Variants in OPRK1 observed in about 807,000 individuals in gnomAD.
The protein encoded by OPRK1 is kappa-type opioid receptor.
OPRK1 carries 15 observed loss-of-function variants against 24.5 expected under a neutral mutation model. The ratio of observed to expected loss-of-function variants is 0.61; its 90% confidence interval spans 0.41 to 0.94. OPRK1 has a LOEUF of 0.94. Ranked by LOEUF, OPRK1 falls within the 40% of genes least tolerant of loss-of-function variation. The pLI is 0.00. For missense variants in OPRK1, 479 were observed against 507.3 expected (o/e 0.94, Z 0.54); for synonymous variants, 205 against 198.0 (o/e 1.04, Z -0.30).
chr8:53,232,232 C>T (rs1169714355), intron 3 of OPRK1, among the ~76,000 whole-genome samples: 2 of 150,738 alleles, frequency 1.3e-5, no homozygotes, highest in African/African-American at 2.4e-5. Flanking sequence ...CTAGAGGTGA[C>T]CAGAGGCTGG....
rs981846563 is a variant in OPRK1 at position 53,227,494 on chromosome 8, T to C, written c.*1803A>G. The C allele has an allele frequency of 1.3e-5, 2 of 152,192 alleles. No individual in the cohort carries two copies. The highest frequency in any genetic ancestry group is 4.8e-5 in the African/African-American group (2 of 41,448). 9.4% of individuals were successfully genotyped at this position (152,192 alleles called of 1,614,324 possible). ...CTGTACCATAGCCAAGATTTTTAAC[T>C]ATGGGATTAGTGTAAACCAGTATTT... is the stretch of plus-strand genomic sequence containing the variant. On this transcript the variant is annotated 3_prime_UTR_variant, in exon 4 of 4. Transcript: ENST00000265572.
rs114268262 is a variant in OPRK1, at chr8:53,235,905, G to A, written c.258-794C>T. 5.1e-3 allele frequency among the ~76,000 whole-genome samples: 772 copies of A among 152,254 alleles called. 9 individuals carry two copies. Among genetic ancestry groups the A allele is most frequent in the African/African-American group, 0.018 (739 of 41,546 alleles). On this transcript the variant is annotated intron_variant, in intron 2 of 3. Coordinates refer to ENST00000265572, the MANE Select transcript of OPRK1 (RefSeq NM_000912.5). ...TCTTTACATTATAACATGATGTTTA[G>A]GACAACTTAATTTTCAACTAAGACT...
chr8:53,250,788 T>C lies in OPRK1; in HGVS notation c.250A>G (p.Ile84Val), dbSNP rs774439109. The change falls in exon 2 of 4, where the codon ATC becomes GTC. Residue 84 changes from isoleucine to valine, a missense_variant. By Grantham distance (29) the Ile-to-Val change is conservative (BLOSUM62 3). Transcript: ENST00000265572. ...LVGNSLVMFV[I>V]IRYTKMKTAT... ...CGCTGTCCCCGCGCTCACCGGATGA[T>C]CACGAACATGACCAGCGAGTTGCCC... The C allele has an allele frequency of 6.2e-7, 1 of 1,606,492 alleles. No individual in the cohort carries two copies. The highest frequency in any genetic ancestry group is 8.5e-7 in the Non-Finnish European group (1 of 1,176,386).
intron 2 of OPRK1, among the ~76,000 whole-genome samples, chr8:53,236,389 T>C (rs796296342): frequency 5.3e-5 from 8 of 152,208 alleles, no homozygotes; most frequent in African/African-American, 1.9e-4. Flanking sequence ...CCACCTCCCA[T>C]CTCTACTCAT....
At chr8:53,241,692 A>T (rs1807119304) in intron 2 of OPRK1, among the ~76,000 whole-genome samples, 1 of 152,190 alleles carries the variant, frequency 6.6e-6, no homozygotes, top group South Asian at 2.1e-4. Flanking sequence ...TCATACTCAC[A>T]TAGGAGCCAG....
In OPRK1 at chr8:53,226,910, A is replaced by G. The variant is rs1353069089; in HGVS notation, c.*2387T>C. 1 of 152,214 alleles carries G rather than the reference A, an allele frequency of 6.6e-6. No individual in the cohort carries two copies. The highest frequency in any genetic ancestry group is 1.9e-4 in the East Asian group (1 of 5,184). 9.4% of individuals were successfully genotyped at this position (152,214 alleles called of 1,614,324 possible). ...CTTACATATGAGGAGATGCAGGAAA[A>G]TCAGGCAAACCAATAATGGCAATTA... On this transcript the variant is annotated 3_prime_UTR_variant, in exon 4 of 4. Coordinates refer to ENST00000265572, the MANE Select transcript of OPRK1 (RefSeq NM_000912.5).
chr8:53,251,040 TG>T lies in OPRK1; in HGVS notation c.-4del. The T allele has an allele frequency of 6.6e-7, 1 of 1,521,532 alleles. No homozygotes were observed. Among genetic ancestry groups the T allele is most frequent in the Non-Finnish European group, 8.8e-7 (1 of 1,140,512 alleles). The allele number at this position is 1,521,532 out of a possible 1,614,324, so 94.3% of individuals were successfully genotyped here. ...AAGATCTGGATCGGGGAGTCCATGG[TG>T]GGGCGATTGCAGCAGGAAGGCGAGG... On this transcript the variant is annotated 5_prime_UTR_variant, in exon 2 of 4. Transcript: ENST00000265572.
At chr8:53,243,973 G>T (rs1807173989) in intron 2 of OPRK1, among the ~76,000 whole-genome samples, 1 of 152,076 alleles carries the variant, frequency 6.6e-6, no homozygotes. Context: ...AGGCTATGTT[G>T]ACACTTAGGA....
intron 2 of OPRK1, 142 bp downstream of exon 2, chr8:53,250,639 A>G (rs1563332568): frequency 2.3e-6 from 2 of 886,566 alleles, no homozygotes; most frequent in Non-Finnish European, 3.3e-6. Flanking sequence ...CTAGGAAGCC[A>G]CCCTGTAGCA....
At chr8:53,236,515 G>A (rs1242516929) in intron 2 of OPRK1, among the ~76,000 whole-genome samples, 1 of 152,162 alleles carries the variant, frequency 6.6e-6, no homozygotes, top group African/African-American at 2.4e-5. Context: ...ATTTAATCTG[G>A]AAAGCGAGGA....
chr8:53,246,964 A>G (rs1807244115), intron 2 of OPRK1, among the ~76,000 whole-genome samples: 1 of 152,238 alleles, frequency 6.6e-6, no homozygotes, highest in Non-Finnish European at 1.5e-5. Context: ...AGGGTCAGAT[A>G]TACTTGAAGG....
intron 2 of OPRK1, among the ~76,000 whole-genome samples, chr8:53,246,835 G>A (rs561065713): frequency 6.6e-6 from 1 of 152,158 alleles, no homozygotes; most frequent in Non-Finnish European, 1.5e-5. Flanking sequence ...ATATGATCAG[G>A]TGGAGGGTTT....
chr8:53,229,711 G>A lies in OPRK1; in HGVS notation c.729C>T (p.Ile243=), dbSNP rs1413016291. The A allele has an allele frequency of 2.5e-6, 4 of 1,614,096 alleles. No homozygotes were observed. Among genetic ancestry groups the A allele is most frequent in the East Asian group, 2.2e-5 (1 of 44,876 alleles). ...GCAGGATCATCAGGGTGTAGCAGAC[G>A]ATGATGATGAGGACAGGGATCACGA... is the stretch of plus-strand genomic sequence containing the variant. ...FAFVIPVLII[I]VCYTLMILRL... is the part of the protein sequence containing the mutation. The change falls in exon 4 of 4, where the codon ATC becomes ATT. Residue 243 remains isoleucine (I), a synonymous_variant. Transcript: ENST00000265572.
At chr8:53,234,407 A>G (rs562283350) in intron 3 of OPRK1, among the ~76,000 whole-genome samples, 1 of 152,198 alleles carries the variant, frequency 6.6e-6, no homozygotes, top group South Asian at 2.1e-4. Flanking sequence ...TGTTAAAGAG[A>G]AAAAAAGGAG....
Sources: gnomAD v4.1 joint callset for allele counts (sites outside exome capture counted in the v4.1 genomes callset) on GRCh38, gnomAD v4.1.1 for gene constraint, MANE v1.5 for transcripts, NCBI Gene and HGNC (gene_info 2026-07-23, HGNC 2026-07-21) for gene names.